FGGY: variants seen among roughly 807,000 people sequenced by gnomAD.
FGGY encodes the protein FGGY carbohydrate kinase domain containing, also known as FGGY carbohydrate kinase domain-containing protein.
FGGY carries 72 observed loss-of-function variants against 71.3 expected under a neutral mutation model. That is an observed-to-expected ratio of 1.01 (90% confidence interval 0.84 to 1.23). The LOEUF is 1.23. Ranked by LOEUF, FGGY falls within the 50% of genes most tolerant of loss-of-function variation. The pLI is 0.00. For synonymous variants in FGGY, 251 were observed against 250.3 expected (o/e 1.00, Z -0.02); for missense variants, 668 against 682.3 (o/e 0.98, Z 0.23).
chr1:59,707,541 C>T (rs1558863032), intron 14 of FGGY, among the ~76,000 whole-genome samples: 1 of 152,136 alleles, frequency 6.6e-6, no homozygotes, highest in South Asian at 2.1e-4. Context: ...CAGCTGAGGC[C>T]GTTTTCAACT....
At chr1:59,344,827 TA>T in intron 3 of FGGY, among the ~76,000 whole-genome samples, 1 of 152,222 alleles carries the variant, frequency 6.6e-6, no homozygotes, top group East Asian at 1.9e-4. Context: ...ACCATCCATT[TA>T]AAAAAATATA....
chr1:59,660,163 T>C (rs2097260986), intron 11 of FGGY, 56 bp from the exon 12 acceptor site: 2 of 1,477,282 alleles, frequency 1.4e-6, no homozygotes, highest in African/African-American at 1.4e-5. Context: ...GAACTATCTT[T>C]ATCCACGGCA....
chr1:59,739,503 A>G (rs2101196099), intron 14 of FGGY, among the ~76,000 whole-genome samples: 1 of 152,326 alleles, frequency 6.6e-6, no homozygotes, highest in Admixed American at 6.5e-5. Flanking sequence ...AATGGTTTCA[A>G]CCAAACCATT....
At chr1:59,367,092 C>T (rs753271361) in intron 4 of FGGY, among the ~76,000 whole-genome samples, 23 of 152,030 alleles carry the variant, frequency 1.5e-4, no homozygotes, top group Non-Finnish European at 2.2e-4. Flanking sequence ...GAGGAGATGT[C>T]GCACCATCTT....
At chr1:59,353,757 A>G (rs1002889844) in intron 4 of FGGY, among the ~76,000 whole-genome samples, 2 of 152,192 alleles carry the variant, frequency 1.3e-5, no homozygotes, top group African/African-American at 4.8e-5. Flanking sequence ...AAGTTAAATA[A>G]CTTACTCGTG....
At chr1:59,371,394 C>A (rs1407008211) in intron 4 of FGGY, among the ~76,000 whole-genome samples, 1 of 152,122 alleles carries the variant, frequency 6.6e-6, no homozygotes, top group South Asian at 2.1e-4. Flanking sequence ...CAGGAACACC[C>A]AGATTCATAA....
intron 5 of FGGY, among the ~76,000 whole-genome samples, chr1:59,440,499 C>CA (rs961711776): frequency 1.3e-5 from 2 of 151,774 alleles, no homozygotes; most frequent in African/African-American, 4.8e-5. Flanking sequence ...GTCCAACACT[C>CA]AAAGTAGTCT....
rs1341225005 is a variant in FGGY, at chr1:59,582,621, C to T, written c.904-25182C>T. On this transcript the variant is annotated intron_variant, in intron 8 of 15. Transcript: ENST00000303721. The stretch of plus-strand genomic sequence containing the variant: ...ACATTTAGCTCAGGCATCTAATATC[C>T]TCTCGCTGGAAGCTTTCAGACTAGA... Among the ~76,000 whole-genome samples the T allele has an allele frequency of 2.7e-5, 4 of 149,868 alleles. 1 individual carries two copies. The highest frequency in any genetic ancestry group is 1.0e-4 in the African/African-American group (4 of 39,572).
At chr1:59,600,982 CTTTTTTT>C (rs377505663) in intron 8 of FGGY, among the ~76,000 whole-genome samples, 3 of 127,044 alleles carry the variant, frequency 2.4e-5, no homozygotes, top group Non-Finnish European at 5.0e-5. Flanking sequence ...ATTCTCTATG[CTTTTTTT>C]TTTTTTTTTT....
chr1:59,529,577 A>C (rs967883996), intron 7 of FGGY, among the ~76,000 whole-genome samples: 1 of 152,232 alleles, frequency 6.6e-6, no homozygotes, highest in Non-Finnish European at 1.5e-5. Flanking sequence ...TTTGGCTGAA[A>C]TCTATGATAT....
intron 4 of FGGY, among the ~76,000 whole-genome samples, chr1:59,366,003 C>T (rs1334854642): frequency 6.6e-6 from 1 of 152,098 alleles, no homozygotes; most frequent in Non-Finnish European, 1.5e-5. Flanking sequence ...GTTCTTAGAC[C>T]CCATCTACTT....
intron 8 of FGGY, among the ~76,000 whole-genome samples, chr1:59,586,965 C>T (rs542670093): frequency 9.9e-5 from 15 of 152,272 alleles, no homozygotes; most frequent in African/African-American, 1.7e-4. Flanking sequence ...TGCAGCGCAC[C>T]GTGCACGAGC....
intron 14 of FGGY, among the ~76,000 whole-genome samples, chr1:59,725,637 GT>G (rs774357113): frequency 4.5e-4 from 62 of 137,024 alleles, no homozygotes; most frequent in South Asian, 1.6e-3. Context: ...TTTGTTTTTT[GT>G]TTTTTTTGCA....
chr1:59,538,396 G>T (rs1308071973), intron 7 of FGGY, among the ~76,000 whole-genome samples: 1 of 151,882 alleles, frequency 6.6e-6, no homozygotes, highest in Non-Finnish European at 1.5e-5. Flanking sequence ...ACTGTTGGTG[G>T]GACTGTAAAC....
At chr1:59,574,867 T>C (rs1250086109) in intron 8 of FGGY, among the ~76,000 whole-genome samples, 1 of 152,300 alleles carries the variant, frequency 6.6e-6, no homozygotes, top group Non-Finnish European at 1.5e-5. Flanking sequence ...ACATCAAATT[T>C]GCTTCCAAAT....
rs543985980 is a variant in FGGY, at chr1:59,539,928, G to T, written c.800-14196G>T. ...GAACAATTATTTTGACAGAACAATG[G>T]TTAAATGTGTATAAATGTGTGCATA... On this transcript the variant is annotated intron_variant, in intron 7 of 15. Transcript: ENST00000303721. Among the ~76,000 whole-genome samples the T allele has an allele frequency of 1.3e-4, 20 of 152,272 alleles. No individual in the cohort carries two copies. In the South Asian group the frequency reaches 4.1e-3, roughly 32 times the overall value.
intron 8 of FGGY, among the ~76,000 whole-genome samples, chr1:59,578,802 T>C (rs1315276399): frequency 1.3e-5 from 2 of 152,004 alleles, no homozygotes; most frequent in Non-Finnish European, 2.9e-5. Context: ...AAGGCTGGGG[T>C]TGTCCTCTCG....
At chr1:59,595,625 A>C (rs1571875669) in intron 8 of FGGY, among the ~76,000 whole-genome samples, 1 of 152,138 alleles carries the variant, frequency 6.6e-6, no homozygotes, top group African/African-American at 2.4e-5. Context: ...AGGAGGCAGA[A>C]GTTGCAGTGA....
intron 1 of FGGY, among the ~76,000 whole-genome samples, chr1:59,317,453 A>G (rs2045651638): frequency 6.6e-6 from 1 of 152,238 alleles, no homozygotes; most frequent in Non-Finnish European, 1.5e-5. Flanking sequence ...GATGATCCTT[A>G]TCCTTGTTTA....
Sources: allele counts gnomAD v4.1 joint callset (sites outside exome capture counted in the v4.1 genomes callset), GRCh38; gene constraint gnomAD v4.1.1; transcripts MANE v1.5; gene names NCBI Gene and HGNC (gene_info 2026-07-23, HGNC 2026-07-21).